The following NOL4 variants were observed in gnomAD, a reference collection of about 807,000 sequenced individuals.
NOL4 encodes cancer/testis antigen 125.
In NOL4, 17 loss-of-function variants were observed where a neutral mutation model predicts 75.9. That is an observed-to-expected ratio of 0.22 (90% CI 0.15 to 0.34). NOL4 has a LOEUF of 0.34. NOL4 is among the 10% of genes least tolerant of loss of function. NOL4 has a pLI of 1.00. For missense variants in NOL4, 614 were observed against 793.5 expected (o/e 0.77, Z 2.72); for synonymous variants, 292 against 289.9 (o/e 1.01, Z -0.07).
chr18:33,968,621 G>C (rs1485158041), intron 6 of NOL4, among the ~76,000 whole-genome samples: 9 of 152,144 alleles, frequency 5.9e-5, no homozygotes, highest in Admixed American at 5.9e-4. Flanking sequence ...AAGACTACTA[G>C]AGAGAGGAGG....
chr18:34,166,834 G>A lies in NOL4; in HGVS notation c.265-36814C>T, dbSNP rs938567396. 2.7e-4 allele frequency among the ~76,000 whole-genome samples: 11 copies of A among 40,678 alleles called. 4 individuals are homozygous for A. Among genetic ancestry groups the A allele is most frequent in the Non-Finnish European group, 2.3e-4 (4 of 17,392 alleles). 26.7% of individuals were successfully genotyped at this position (40,678 alleles called of 152,430 possible). On this transcript the variant is annotated intron_variant, in intron 1 of 10. Transcript: ENST00000261592. Reference sequence around the variant, plus strand: ...GGGTGGATCATGAGGTCAGGAGATCGAGACCATCCTGGCTAACAAGGTGAA... The same window carrying A: ...GGGTGGATCATGAGGTCAGGAGATCAAGACCATCCTGGCTAACAAGGTGAA...
intron 9 of NOL4, among the ~76,000 whole-genome samples, chr18:33,931,576 G>T (rs9304132): frequency 0.31 from 46,016 of 149,380 alleles, 7,178 homozygotes; most frequent in East Asian, 0.45. Flanking sequence ...AAATTTTTTT[G>T]TTTTTTAATT....
intron 6 of NOL4, among the ~76,000 whole-genome samples, chr18:33,968,475 A>T (rs1005804146): frequency 2.6e-5 from 4 of 152,236 alleles, no homozygotes; most frequent in African/African-American, 7.2e-5. Flanking sequence ...TCATGCTGCA[A>T]CATGGATGCA....
intron 1 of NOL4, among the ~76,000 whole-genome samples, chr18:34,215,283 T>A (rs1278912505): frequency 1.3e-5 from 2 of 152,218 alleles, no homozygotes; most frequent in African/African-American, 4.8e-5. Flanking sequence ...TTGTATAATG[T>A]CCCATTATGT....
intron 5 of NOL4, among the ~76,000 whole-genome samples, chr18:34,059,138 T>TAC (rs1266123932): frequency 9.6e-6 from 1 of 104,016 alleles, no homozygotes; most frequent in Admixed American, 9.1e-5. Flanking sequence ...TATATATATA[T>TAC]ATATATATAT....
intron 5 of NOL4, among the ~76,000 whole-genome samples, chr18:34,061,198 T>G (rs1241202980): frequency 6.6e-6 from 1 of 152,174 alleles, no homozygotes; most frequent in African/African-American, 2.4e-5. Context: ...AATCTAGGTT[T>G]ATATACATGT....
chr18:33,958,035 T>C (rs892619332), intron 7 of NOL4, among the ~76,000 whole-genome samples: 19 of 152,116 alleles, frequency 1.2e-4, no homozygotes, highest in African/African-American at 4.6e-4. Context: ...ACAACTCCAG[T>C]TTTCAGCTCA....
At chr18:33,981,484 C>T (rs1392103220) in intron 6 of NOL4, among the ~76,000 whole-genome samples, 1 of 151,932 alleles carries the variant, frequency 6.6e-6, no homozygotes, top group Non-Finnish European at 1.5e-5. Context: ...ATAAAAATTA[C>T]ATCTGACTTC....
At chr18:33,986,593 AC>A (rs2072475571) in intron 6 of NOL4, among the ~76,000 whole-genome samples, 1 of 152,088 alleles carries the variant, frequency 6.6e-6, no homozygotes, top group Non-Finnish European at 1.5e-5. Context: ...ACCATGGTTA[AC>A]CCCAGATAAC....
chr18:33,876,891 C>G (rs576370574), intron 10 of NOL4, among the ~76,000 whole-genome samples: 1 of 151,868 alleles, frequency 6.6e-6, no homozygotes, highest in Admixed American at 6.6e-5. Flanking sequence ...AGAGTTGATA[C>G]GTAACAAGGG....
chr18:33,957,265 G>T, intron 8 of NOL4, 61 bp downstream of exon 8: 1 of 1,311,308 alleles, frequency 7.6e-7, no homozygotes, highest in Non-Finnish European at 1.0e-6. Flanking sequence ...AAAAAATAGT[G>T]TCATGGTTTA....
chr18:34,004,271 A>T (rs1170974111), intron 6 of NOL4, among the ~76,000 whole-genome samples: 1 of 151,988 alleles, frequency 6.6e-6, no homozygotes, highest in African/African-American at 2.4e-5. Context: ...GTATAAAACT[A>T]AGCTGCAGCC....
intron 9 of NOL4, among the ~76,000 whole-genome samples, chr18:33,904,591 G>T (rs529382980): frequency 6.6e-6 from 1 of 152,252 alleles, no homozygotes; most frequent in African/African-American, 2.4e-5. Context: ...ATAAGGCCAT[G>T]ACAGGCAAGT....
chr18:34,196,743 C>A (rs540441359), intron 1 of NOL4, among the ~76,000 whole-genome samples: 1 of 151,734 alleles, frequency 6.6e-6, no homozygotes, highest in Non-Finnish European at 1.5e-5. Context: ...TAACTTTTGT[C>A]TTTCTCCATG....
intron 10 of NOL4, among the ~76,000 whole-genome samples, chr18:33,866,209 T>G (rs182346054): frequency 5.8e-4 from 89 of 152,144 alleles, no homozygotes; most frequent in Non-Finnish European, 9.6e-4. Context: ...AATTTTAGTT[T>G]AAGACTGTAA....
chr18:34,078,078 G>T (rs2077829260), intron 5 of NOL4, among the ~76,000 whole-genome samples: 1 of 151,994 alleles, frequency 6.6e-6, no homozygotes, highest in Non-Finnish European at 1.5e-5. Flanking sequence ...TTGCATATCT[G>T]TATGTTACTT....
intron 2 of NOL4, among the ~76,000 whole-genome samples, chr18:34,113,830 A>G (rs551698576): frequency 2.6e-5 from 4 of 152,248 alleles, no homozygotes; most frequent in African/African-American, 7.2e-5. Context: ...CTTGAGGCCT[A>G]TGTTAAGTAC....
At chr18:34,003,708 T>A (rs2073868627) in intron 6 of NOL4, among the ~76,000 whole-genome samples, 1 of 151,978 alleles carries the variant, frequency 6.6e-6, no homozygotes, top group South Asian at 2.1e-4. Context: ...CACTTCACAC[T>A]CTCCTGTTCT....
chr18:33,875,985 G>A (rs1823759), intron 10 of NOL4, among the ~76,000 whole-genome samples: 118,928 of 151,904 alleles, frequency 0.78, 46,714 homozygotes, highest in African/African-American at 0.85. Context: ...TAGAATAACG[G>A]AGTATTTAAT....
Sources: allele counts gnomAD v4.1 joint callset (sites outside exome capture counted in the v4.1 genomes callset), GRCh38; gene constraint gnomAD v4.1.1; transcripts MANE v1.5; gene names NCBI Gene and HGNC (gene_info 2026-07-23, HGNC 2026-07-21).